The following PTGER3 variants were observed in gnomAD, a reference collection of about 807,000 sequenced individuals.
PTGER3 encodes the protein prostaglandin E2 receptor EP3 subtype.
In PTGER3, 22 loss-of-function variants were observed where a neutral mutation model predicts 34.7. The ratio of observed to expected loss-of-function variants is 0.63; its 90% CI spans 0.45 to 0.91. The LOEUF (loss-of-function observed/expected upper bound fraction) is 0.91. PTGER3 is among the 40% of genes least tolerant of loss of function. The pLI is 0.00. For missense variants in PTGER3, 468 were observed against 519.4 expected (o/e 0.90, Z 0.96); for synonymous variants, 241 against 230.1 (o/e 1.05, Z -0.43).
chr1:70,863,018 G>A (rs1428804904), intron 4 of PTGER3, among the ~76,000 whole-genome samples: 1 of 152,106 alleles, frequency 6.6e-6, no homozygotes, highest in African/African-American at 2.4e-5. Flanking sequence ...CTTGTAGGAT[G>A]TAAAGTCAAG....
intron 4 of PTGER3, among the ~76,000 whole-genome samples, chr1:70,937,462 A>C (rs777838008): frequency 1.6e-4 from 25 of 152,210 alleles, no homozygotes; most frequent in Non-Finnish European, 2.8e-4. Flanking sequence ...AATCATCAGC[A>C]TATGGACATA....
At chr1:70,905,307 C>A (rs1646921873) in intron 4 of PTGER3, among the ~76,000 whole-genome samples, 1 of 152,092 alleles carries the variant, frequency 6.6e-6, no homozygotes, top group Non-Finnish European at 1.5e-5. Flanking sequence ...AGTGTCCCTA[C>A]TGGGACACTG....
At chr1:70,954,581 A>G (rs1651119561) in intron 2 of PTGER3, among the ~76,000 whole-genome samples, 1 of 152,190 alleles carries the variant, frequency 6.6e-6, no homozygotes. Context: ...AAGCTTTTAA[A>G]TCATTTACCC....
At chr1:70,981,022 T>C (rs1203838832) in intron 2 of PTGER3, among the ~76,000 whole-genome samples, 1 of 152,060 alleles carries the variant, frequency 6.6e-6, no homozygotes, top group South Asian at 2.1e-4. Flanking sequence ...AACAGAGCCA[T>C]GAGGAAGAAG....
chr1:70,971,881 G>C, intron 3 of PTGER3, 148 bp from the exon 4 acceptor site: 1 of 531,022 alleles, frequency 1.9e-6, no homozygotes, highest in East Asian at 3.1e-5. Flanking sequence ...AATTACATGT[G>C]TTTTAGATTT....
At chr1:70,920,877 GTA>G (rs1647455687) in intron 4 of PTGER3, among the ~76,000 whole-genome samples, 1 of 19,128 alleles carries the variant, frequency 5.2e-5, no homozygotes, top group Non-Finnish European at 9.9e-5. Context: ...GACAATTTTT[GTA>G]TGTTGTTGTA....
downstream of PTGER3, among the ~76,000 whole-genome samples, chr1:70,950,000 A>G (rs1650601136): frequency 6.6e-6 from 1 of 152,090 alleles, no homozygotes; most frequent in Non-Finnish European, 1.5e-5. Context: ...AAAAGAGTAA[A>G]TGTGTCAAAG....
In PTGER3 at chr1:70,997,865, C is replaced by G. The variant is rs148340483; in HGVS notation, c.1077+14440G>C. Among the ~76,000 whole-genome samples, 10 of 152,314 alleles carry G rather than the reference C, an allele frequency of 6.6e-5. No homozygotes were observed. In the East Asian group the frequency reaches 1.9e-3, roughly 29 times the overall value. ...GTATGACTGTTTTGAGACATAGAAT[C>G]ATAAAATCCTGAGTTGGAAGAAGAC... On this transcript the variant is annotated intron_variant, in intron 2 of 3. Coordinates refer to ENST00000306666, the MANE Select transcript of PTGER3 (RefSeq NM_198719.2).
intron 4 of PTGER3, among the ~76,000 whole-genome samples, chr1:70,858,407 T>C (rs1487974698): frequency 1.3e-5 from 2 of 152,162 alleles, no homozygotes; most frequent in East Asian, 3.8e-4. Context: ...TTTCTATTAT[T>C]CTCTGAAAAC....
chr1:71,030,252 T>C (rs1370934821), intron 1 of PTGER3, among the ~76,000 whole-genome samples: 1 of 152,170 alleles, frequency 6.6e-6, no homozygotes, highest in East Asian at 1.9e-4. Context: ...GTAACATGCC[T>C]GAATTCCATG....
chr1:70,940,428 T>A (rs1255072388), intron 4 of PTGER3, among the ~76,000 whole-genome samples: 1 of 152,202 alleles, frequency 6.6e-6, no homozygotes, highest in Non-Finnish European at 1.5e-5. Flanking sequence ...TTTTCATAAA[T>A]GCCCCACTCT....
At chr1:70,870,293 A>C (rs919603595) in intron 4 of PTGER3, among the ~76,000 whole-genome samples, 1 of 152,238 alleles carries the variant, frequency 6.6e-6, no homozygotes, top group Non-Finnish European at 1.5e-5. Flanking sequence ...GCAGGGCAGC[A>C]GAGCCCTGGG....
At chr1:70,874,318 T>C (rs79715028) in intron 4 of PTGER3, among the ~76,000 whole-genome samples, 1 of 152,298 alleles carries the variant, frequency 6.6e-6, no homozygotes, top group Non-Finnish European at 1.5e-5. Context: ...ATTGAATTTA[T>C]TTCTACTTAA....
chr1:70,968,980 G>A (rs1241644416), downstream of PTGER3, among the ~76,000 whole-genome samples: 1 of 152,118 alleles, frequency 6.6e-6, no homozygotes, highest in Non-Finnish European at 1.5e-5. Context: ...GTTGAGGCGA[G>A]TGGATCACTT....
chr1:71,010,776 C>G, intron 2 of PTGER3: 2 of 985,138 alleles, frequency 2.0e-6, no homozygotes, highest in Non-Finnish European at 2.4e-6. Flanking sequence ...ATTTTGTCTC[C>G]AAATTCAATT....
chr1:71,038,240 A>T (rs1429380054), intron 1 of PTGER3, among the ~76,000 whole-genome samples: 1 of 152,222 alleles, frequency 6.6e-6, no homozygotes, highest in African/African-American at 2.4e-5. Context: ...AAGATATACA[A>T]ATCAAATTTA....
At chr1:70,971,839 C>T in intron 3 of PTGER3, 106 bp from the exon 4 acceptor site, 1 of 738,276 alleles carries the variant, frequency 1.4e-6, no homozygotes, top group Non-Finnish European at 2.1e-6. Flanking sequence ...AATTTGTTTG[C>T]TTTAAACGTT....
In PTGER3 at chr1:71,047,664, G is replaced by C; in HGVS notation, c.-87C>G. On this transcript the variant is annotated 5_prime_UTR_variant, in exon 1 of 4. Coordinates refer to ENST00000306666, the MANE Select transcript of PTGER3 (RefSeq NM_198719.2). ...GGCGCGGGCGGCGGCGGAGGTCGGC[G>C]TTTACCGCGGCTGGGGCTGGGCTGC... 7.1e-7 allele frequency: 1 copy of C among 1,413,110 alleles called. No individual in the cohort carries two copies. Among genetic ancestry groups the C allele is most frequent in the Non-Finnish European group, 9.4e-7 (1 of 1,066,600 alleles). The allele number at this position is 1,413,110 out of a possible 1,614,324, so 87.5% of individuals were successfully genotyped here.
intron 4 of PTGER3, chr1:70,886,455 A>G: frequency 4.1e-6 from 1 of 243,936 alleles, no homozygotes; most frequent in South Asian, 3.7e-5. Flanking sequence ...GACTGAAATC[A>G]TCAGACCACA....
Sources: allele counts gnomAD v4.1 joint callset (sites outside exome capture counted in the v4.1 genomes callset), GRCh38; gene constraint gnomAD v4.1.1; transcripts MANE v1.5; gene names NCBI Gene and HGNC (gene_info 2026-07-23, HGNC 2026-07-21).